PTPRD: variants seen among roughly 807,000 people sequenced by gnomAD.
The protein encoded by PTPRD is protein tyrosine phosphatase receptor type D, also known as receptor-type tyrosine-protein phosphatase delta.
In PTPRD, 34 loss-of-function variants were observed where a neutral mutation model predicts 214.5. That is an observed-to-expected ratio of 0.16 (90% CI 0.12 to 0.21). The LOEUF is 0.21. PTPRD is among the 10% of genes least tolerant of loss of function. The pLI, the probability that PTPRD is intolerant of heterozygous loss-of-function variation, is 1.00. For missense variants in PTPRD, 2,545 were observed against 2,398.7 expected (o/e 1.06, Z -1.27); for synonymous variants, 1,128 against 845.7 (o/e 1.33, Z -5.79).
chr9:9,024,355 T>TG (rs1409667262), intron 10 of PTPRD, among the ~76,000 whole-genome samples: 21 of 127,506 alleles, frequency 1.6e-4, no homozygotes, highest in South Asian at 7.7e-4. Context: ...TTTGTTTGTT[T>TG]TTTTTTTTTT....
intron 11 of PTPRD, among the ~76,000 whole-genome samples, chr9:8,846,203 G>T (rs2097692111): frequency 6.6e-6 from 1 of 152,044 alleles, no homozygotes; most frequent in Non-Finnish European, 1.5e-5. Context: ...AATTACAGAG[G>T]AGCAATAGAC....
At chr9:9,654,290 G>A (rs979146243) in intron 7 of PTPRD, among the ~76,000 whole-genome samples, 4 of 152,100 alleles carry the variant, frequency 2.6e-5, no homozygotes, top group African/African-American at 9.7e-5. Context: ...ATAATTTTAA[G>A]AGGGATAGTA....
At chr9:9,994,925 A>C (rs1221121737) in intron 4 of PTPRD, among the ~76,000 whole-genome samples, 1 of 152,082 alleles carries the variant, frequency 6.6e-6, no homozygotes, top group Non-Finnish European at 1.5e-5. Flanking sequence ...TTTTAAAATA[A>C]AACTATATTC....
intron 3 of PTPRD, among the ~76,000 whole-genome samples, chr9:10,287,026 A>G (rs376146589): frequency 3.9e-5 from 6 of 152,220 alleles, no homozygotes; most frequent in African/African-American, 1.4e-4. Flanking sequence ...CTAGTAGGAA[A>G]CAGCTCAGCA....
chr9:9,497,849 T>C (rs761118193), intron 8 of PTPRD, among the ~76,000 whole-genome samples: 4 of 152,156 alleles, frequency 2.6e-5, no homozygotes, highest in South Asian at 2.1e-4. Flanking sequence ...GGTCACTGTA[T>C]TGACTTTGTC....
chr9:9,467,535 C>T (rs1045346543), intron 8 of PTPRD, among the ~76,000 whole-genome samples: 30 of 138,498 alleles, frequency 2.2e-4, no homozygotes, highest in African/African-American at 7.6e-4. Flanking sequence ...TGCAGTGAGC[C>T]GAGATTGTGC....
intron 5 of PTPRD, among the ~76,000 whole-genome samples, chr9:9,861,042 T>A (rs1202680444): frequency 6.6e-6 from 1 of 152,186 alleles, no homozygotes; most frequent in East Asian, 1.9e-4. Context: ...GCAATTATTT[T>A]TTAAAAAAGA....
Position 8,492,851 on chromosome 9 carries a change from G to A in PTPRD, c.2467+11C>T, listed in dbSNP as rs375089721. 1.9e-6 allele frequency: 3 copies of A among 1,600,972 alleles called. No homozygotes were observed. The highest frequency in any genetic ancestry group is 2.7e-5 in the African/African-American group (2 of 74,544). ...ACTGTTCAAGGCACATACATGCACA[G>A]ACATGATTACCTGCCCCAGTGGTGG... is the stretch of plus-strand genomic sequence containing the variant. On this transcript the variant is annotated intron_variant, in intron 27 of 45. Coordinates refer to ENST00000381196, the MANE Select transcript of PTPRD (RefSeq NM_002839.4).
At chr9:9,542,293 C>T (rs1292442269) in intron 8 of PTPRD, among the ~76,000 whole-genome samples, 8 of 151,576 alleles carry the variant, frequency 5.3e-5, no homozygotes, top group Admixed American at 4.6e-4. Flanking sequence ...AAAAAATAAA[C>T]ATTGATTCCT....
At chr9:9,239,198 G>GAA (rs34214521) in intron 9 of PTPRD, among the ~76,000 whole-genome samples, 112 of 137,086 alleles carry the variant, frequency 8.2e-4, no homozygotes, top group Non-Finnish European at 1.3e-3. Context: ...ATGACTGTCT[G>GAA]AAAAAAAAAA....
chr9:9,437,562 T>A (rs993897593), intron 8 of PTPRD, among the ~76,000 whole-genome samples: 2 of 152,180 alleles, frequency 1.3e-5, no homozygotes, highest in Non-Finnish European at 2.9e-5. Context: ...TTAGTAGTCC[T>A]GCTTGAGGGT....
At chr9:10,062,794 T>G (rs2097797980) in intron 3 of PTPRD, among the ~76,000 whole-genome samples, 1 of 151,988 alleles carries the variant, frequency 6.6e-6, no homozygotes, top group Non-Finnish European at 1.5e-5. Context: ...CAAAGGCTAA[T>G]TATGGTTAAA....
chr9:9,863,747 T>C lies in PTPRD; in HGVS notation c.-368+74760A>G, dbSNP rs144158962. Among the ~76,000 whole-genome samples, 74 of 151,842 alleles carry C rather than the reference T, an allele frequency of 4.9e-4. 1 individual carries two copies. Among genetic ancestry groups the C allele is most frequent in the African/African-American group, 1.7e-3 (72 of 41,402 alleles). ...CATAAGACAGAATTGTCCTAGCTAC[T>C]ATAAACAAACTTCAGAAAGACACTC... is the stretch of plus-strand genomic sequence containing the variant. On this transcript the variant is annotated intron_variant, in intron 5 of 45. Transcript: ENST00000381196.
At chr9:9,545,224 G>A (rs902905546) in intron 8 of PTPRD, among the ~76,000 whole-genome samples, 15 of 151,672 alleles carry the variant, frequency 9.9e-5, no homozygotes, top group African/African-American at 3.4e-4. Context: ...TTAGACAAAT[G>A]TATAACGACA....
chr9:8,529,497 C>G (rs558394006), intron 14 of PTPRD, among the ~76,000 whole-genome samples: 3 of 152,236 alleles, frequency 2.0e-5, no homozygotes, highest in East Asian at 3.9e-4. Flanking sequence ...ATGCTTTCCT[C>G]CATCCCAAAG....
At chr9:9,778,596 C>T (rs1021012053) in intron 5 of PTPRD, among the ~76,000 whole-genome samples, 2 of 152,276 alleles carry the variant, frequency 1.3e-5, no homozygotes, top group Middle Eastern at 3.4e-3. Context: ...TCTGCCCCTC[C>T]CATGCTCCCT....
chr9:9,259,605 C>G (rs2099979209), intron 9 of PTPRD, among the ~76,000 whole-genome samples: 1 of 151,914 alleles, frequency 6.6e-6, no homozygotes, highest in Admixed American at 6.6e-5. Flanking sequence ...TTGAACACTA[C>G]CAGAACTCTA....
chr9:10,263,311 T>C (rs193196273), intron 3 of PTPRD, among the ~76,000 whole-genome samples: 4 of 152,186 alleles, frequency 2.6e-5, no homozygotes, highest in African/African-American at 4.8e-5. Context: ...GACAGGAGTA[T>C]GTGGGAAAGT....
In PTPRD at chr9:10,236,150, G is replaced by A. The variant is rs1000146649; in HGVS notation, c.-545+104813C>T. 9.2e-5 allele frequency among the ~76,000 whole-genome samples: 14 copies of A among 151,912 alleles called. No homozygotes were observed. The South Asian group carries it at 1.2e-3, about 14-fold the overall frequency. On this transcript the variant is annotated intron_variant, in intron 3 of 45. Transcript: ENST00000381196. Reference sequence around the variant, plus strand: ...TTCACGTCCTAACCTCTGACTGTCCGAGACACAGATATACCTGCACTCTAC... The same window carrying A: ...TTCACGTCCTAACCTCTGACTGTCCAAGACACAGATATACCTGCACTCTAC...
Sources: allele counts gnomAD v4.1 joint callset (sites outside exome capture counted in the v4.1 genomes callset), GRCh38; gene constraint gnomAD v4.1.1; transcripts MANE v1.5; gene names NCBI Gene and HGNC (gene_info 2026-07-23, HGNC 2026-07-21).